TSPAN3: variants seen among roughly 807,000 people sequenced by gnomAD.
TSPAN3 encodes the protein tetraspanin 3.
A neutral mutation model predicts 31.1 loss-of-function variants in TSPAN3; 9 were observed. That is an observed-to-expected ratio of 0.29 (90% CI 0.17 to 0.50). The LOEUF is 0.50. Among genes scored for constraint, TSPAN3 ranks in the 20% least tolerant of loss-of-function variants. TSPAN3 has a pLI of 0.98. For missense variants in TSPAN3, 252 were observed against 313.5 expected, an observed-to-expected ratio of 0.80 and a Z score of 1.48; for synonymous variants, 129 against 114.3, an observed-to-expected ratio of 1.13 and a Z score of -0.82.
chr15:77,046,486 G>T lies in TSPAN3; in HGVS notation c.*349C>A. Reference sequence around the variant, plus strand: ...AGTTCTCCACTGTGAAGACTGAAAGGACCTGGTGACATTTCGGCATCAGTC... The same window carrying T: ...AGTTCTCCACTGTGAAGACTGAAAGTACCTGGTGACATTTCGGCATCAGTC... On this transcript the variant is annotated 3_prime_UTR_variant, in exon 7 of 7. Coordinates refer to ENST00000267970, the MANE Select transcript of TSPAN3 (RefSeq NM_005724.6). The T allele has an allele frequency of 4.7e-6, 2 of 421,070 alleles. No individual in the cohort carries two copies. The highest frequency in any genetic ancestry group is 8.4e-6 in the Non-Finnish European group (2 of 238,400). 26.1% of individuals were successfully genotyped at this position (421,070 alleles called of 1,614,324 possible).
chr15:77,055,528 A>G (rs2076763373), intron 3 of TSPAN3: 1 of 317,472 alleles, frequency 3.1e-6, no homozygotes, highest in African/African-American at 2.2e-5. Flanking sequence ...AAATCTGAAC[A>G]AACTTCTCAG....
chr15:77,043,198 A>AC lies in TSPAN3; in HGVS notation c.*3636dup, dbSNP rs2076669585. 1 of 151,656 alleles carries AC rather than the reference A, an allele frequency of 6.6e-6. No homozygotes were observed. The highest frequency in any genetic ancestry group is 2.4e-5 in the African/African-American group (1 of 41,118). The allele number at this position is 151,656 out of a possible 1,614,324, so 9.4% of individuals were successfully genotyped here. A position where few individuals can be genotyped will look rare whatever the true frequency, so the allele number is the denominator to read the frequency against. On this transcript the variant is annotated 3_prime_UTR_variant, in exon 7 of 7. Coordinates refer to ENST00000267970, the MANE Select transcript of TSPAN3 (RefSeq NM_005724.6). ...CAGCATATCCCAGGCAACCACAGCCACCCCTCGGAGGTCTCTCCACCTTGG... is the reference window on the plus strand; with the variant it reads ...CAGCATATCCCAGGCAACCACAGCCACCCCCTCGGAGGTCTCTCCACCTTGG...
At chr15:77,060,587 G>A (rs2076794983) in intron 1 of TSPAN3, among the ~76,000 whole-genome samples, 1 of 152,130 alleles carries the variant, frequency 6.6e-6, no homozygotes, top group Admixed American at 6.6e-5. Context: ...CAGAAATTGT[G>A]GCTATCAGAA....
chr15:77,070,681 C>A (rs1461110851), intron 1 of TSPAN3, among the ~76,000 whole-genome samples: 1 of 151,904 alleles, frequency 6.6e-6, no homozygotes, highest in Non-Finnish European at 1.5e-5. Context: ...GGCCTCCCCT[C>A]GCTGTCCTCC....
At chr15:77,053,142 T>C (rs1257604931) in intron 4 of TSPAN3, among the ~76,000 whole-genome samples, 1 of 152,064 alleles carries the variant, frequency 6.6e-6, no homozygotes, top group East Asian at 1.9e-4. Context: ...GAAAACTGCA[T>C]TTTAAATTTT....
chr15:77,052,509 A>C, intron 5 of TSPAN3, 41 bp from the exon 6 acceptor site: 1 of 1,589,592 alleles, frequency 6.3e-7, no homozygotes, highest in Non-Finnish European at 8.6e-7. Flanking sequence ...GTGTTCTTTA[A>C]AAGTTAAAGC....
chr15:77,047,278 C>A (rs1182799090), intron 6 of TSPAN3, among the ~76,000 whole-genome samples: 1 of 152,178 alleles, frequency 6.6e-6, no homozygotes, highest in African/African-American at 2.4e-5. Flanking sequence ...GACTACTGAG[C>A]ACCTGAAATA....
intron 6 of TSPAN3, among the ~76,000 whole-genome samples, chr15:77,050,084 A>T (rs981043858): frequency 1.1e-4 from 17 of 152,236 alleles, no homozygotes; most frequent in African/African-American, 4.1e-4. Context: ...TCCAGCTCTA[A>T]ATGTCTATAT....
chr15:77,060,082 G>C (rs894146742), intron 1 of TSPAN3, among the ~76,000 whole-genome samples: 1 of 152,184 alleles, frequency 6.6e-6, no homozygotes, highest in African/African-American at 2.4e-5. Flanking sequence ...TTTTCTGATA[G>C]ACTCTACAAC....
intron 1 of TSPAN3, among the ~76,000 whole-genome samples, chr15:77,060,852 A>C (rs1412942148): frequency 6.6e-6 from 1 of 152,228 alleles, no homozygotes; most frequent in African/African-American, 2.4e-5. Context: ...TCCTTTTTAC[A>C]AAGAAGTGAA....
At chr15:77,065,606 T>G (rs894037755) in intron 1 of TSPAN3, among the ~76,000 whole-genome samples, 1 of 152,318 alleles carries the variant, frequency 6.6e-6, no homozygotes, top group Non-Finnish European at 1.5e-5. Flanking sequence ...TTTTGTATTT[T>G]TAGTAGAGAC....
Position 77,071,006 on chromosome 15 carries a change from G to A in TSPAN3, c.-52C>T, listed in dbSNP as rs1470980314. On this transcript the variant is annotated 5_prime_UTR_variant, in exon 1 of 7. Coordinates refer to ENST00000267970, the MANE Select transcript of TSPAN3 (RefSeq NM_005724.6). ...CCCGGAGAGCGGGGCTGCGCTCACCGAGAGAGCGGCAATGGCGGCGGCGCC... is the reference window on the plus strand; with the variant it reads ...CCCGGAGAGCGGGGCTGCGCTCACCAAGAGAGCGGCAATGGCGGCGGCGCC... 28 of 1,315,520 alleles carry A rather than the reference G, an allele frequency of 2.1e-5. No homozygotes were observed. The highest frequency in any genetic ancestry group is 3.2e-5 in the East Asian group (1 of 30,838). The allele number at this position is 1,315,520 out of a possible 1,614,324, so 81.5% of individuals were successfully genotyped here. A position where few individuals can be genotyped will look rare whatever the true frequency, so the allele number is the denominator to read the frequency against.
chr15:77,068,026 A>G (rs2076843686), intron 1 of TSPAN3: 1 of 152,194 alleles, frequency 6.6e-6, no homozygotes, highest in Non-Finnish European at 1.5e-5. Flanking sequence ...TAGATGGGAA[A>G]GCTGTGAGGA....
intron 1 of TSPAN3, chr15:77,065,050 A>G (rs1316620733): frequency 1.3e-5 from 2 of 152,244 alleles, no homozygotes; most frequent in Admixed American, 6.5e-5. Context: ...CATAGCAAGT[A>G]TATTTTTGCC....
At chr15:77,057,727 A>G (rs2076776432) in intron 1 of TSPAN3, among the ~76,000 whole-genome samples, 2 of 151,860 alleles carry the variant, frequency 1.3e-5, no homozygotes, top group African/African-American at 4.8e-5. Flanking sequence ...GATGTTAGTG[A>G]TCTCCAGGAT....
rs563709472 is a variant in TSPAN3, at chr15:77,056,386, C to T, written c.64-131G>A. On this transcript the variant is annotated intron_variant, in intron 1 of 6. Coordinates refer to ENST00000267970, the MANE Select transcript of TSPAN3 (RefSeq NM_005724.6). The stretch of plus-strand genomic sequence containing the variant: ...ACTTTTTTCAGTAAAGCTGAAAATT[C>T]TATGATTCCTTGTTAAGAGCATTTC... 387 of 626,038 alleles carry T rather than the reference C, an allele frequency of 6.2e-4. 2 individuals carry two copies. Among genetic ancestry groups the T allele is most frequent in the Non-Finnish European group, 8.6e-4 (340 of 394,240 alleles). 38.8% of individuals were successfully genotyped at this position (626,038 alleles called of 1,614,324 possible).
intron 1 of TSPAN3, chr15:77,069,819 G>A (rs932745277): frequency 5.2e-5 from 8 of 152,494 alleles, no homozygotes; most frequent in Non-Finnish European, 1.0e-4. Flanking sequence ...GAATGTTCAA[G>A]GAGTGCTCTG....
intron 4 of TSPAN3, among the ~76,000 whole-genome samples, chr15:77,053,233 C>T (rs1424964392): frequency 2.0e-5 from 3 of 151,798 alleles, no homozygotes; most frequent in East Asian, 1.9e-4. Context: ...CAGTGGCTCA[C>T]GCCTGTAATC....
intron 1 of TSPAN3, among the ~76,000 whole-genome samples, chr15:77,058,586 T>C (rs2076782300): frequency 1.3e-5 from 2 of 152,232 alleles, no homozygotes; most frequent in Non-Finnish European, 2.9e-5. Context: ...ATTATAGCTA[T>C]ACCTGTCTCA....
Sources: allele counts gnomAD v4.1 joint callset (sites outside exome capture counted in the v4.1 genomes callset), GRCh38; gene constraint gnomAD v4.1.1; transcripts MANE v1.5; gene names NCBI Gene and HGNC (gene_info 2026-07-23, HGNC 2026-07-21).